The following PLEKHH1 variants were observed in gnomAD, a reference collection of about 807,000 sequenced individuals.
PLEKHH1 encodes pleckstrin homology, MyTH4 and FERM domain containing H1, also known as pleckstrin homology domain-containing family H member 1.
PLEKHH1 carries 104 observed loss-of-function variants against 160.0 expected under a neutral mutation model. The observed-to-expected ratio is 0.65, with a 90% CI of 0.55 to 0.76. The LOEUF (loss-of-function observed/expected upper bound fraction) is 0.76, where lower values mean the gene tolerates loss of function less well. PLEKHH1 is among the 30% of genes least tolerant of loss of function. The pLI is 0.00. For missense variants in PLEKHH1, 1,427 were observed against 1,724.1 expected (o/e 0.83, Z 3.05); for synonymous variants, 619 against 678.4 (o/e 0.91, Z 1.36).
At position 67,562,372 on chromosome 14, in the gene PLEKHH1, G is replaced by T. The variant is rs373836124; in HGVS notation, c.741G>T (p.Gly247=). 2.7e-5 allele frequency: 43 copies of T among 1,613,512 alleles called. No individual in the cohort carries two copies. The highest frequency in any genetic ancestry group is 1.6e-4 in the Middle Eastern group (1 of 6,082). Residue 247 remains glycine, a synonymous_variant, in exon 7 of 29, where the codon GGG becomes GGT. Transcript: ENST00000329153. Reference sequence around the variant, plus strand: ...CTAGTTCCAGCACGGTCCATTCTGGGGAAACAGTAGAGGCCAAGCCCCTTC... The same window carrying T: ...CTAGTTCCAGCACGGTCCATTCTGGTGAAACAGTAGAGGCCAAGCCCCTTC... ...EDSSSSTVHS[G]ETVEAKPLQP... is the part of the protein sequence containing the mutation.
intron 4 of PLEKHH1, 124 bp from the exon 5 acceptor site, chr14:67,559,484 T>G (rs180863966): frequency 1.6e-6 from 1 of 644,652 alleles, no homozygotes; most frequent in Non-Finnish European, 2.8e-6. Context: ...ACAAACGATT[T>G]CTGCTCACTG....
intron 28 of PLEKHH1, 176 bp from the exon 29 acceptor site, chr14:67,586,898 A>G (rs1310264456): frequency 5.9e-6 from 9 of 1,530,974 alleles, no homozygotes; most frequent in Non-Finnish European, 7.9e-6. Context: ...AGCCCACACC[A>G]CTGGGCCTCT....
At position 67,571,751 on chromosome 14, in the gene PLEKHH1, GA is replaced by G; in HGVS notation, c.1435del (p.Arg479GlufsTer42). On this transcript the variant is annotated frameshift_variant and splice_region_variant, in exon 10 of 29. Transcript: ENST00000329153. LOFTEE classifies it high-confidence loss of function. The stretch of plus-strand genomic sequence containing the variant: ...CAGTGAGGGAGGGGCCTGTCTTGCA[GA>G]GAGCTACACAGATCAGCAACATGCC... ...TVPVYTALKG[R>X]ATQISNMPFM... 1 of 1,612,294 alleles carries G rather than the reference GA, an allele frequency of 6.2e-7. No individual in the cohort carries two copies. Among genetic ancestry groups the G allele is most frequent in the Non-Finnish European group, 8.5e-7 (1 of 1,178,500 alleles).
intron 7 of PLEKHH1, among the ~76,000 whole-genome samples, chr14:67,563,731 CT>C (rs71129835): frequency 0.73 from 63,554 of 86,724 alleles, 23,022 homozygotes; most frequent in Non-Finnish European, 0.79. Flanking sequence ...CTGAGCCTGG[CT>C]TTTTTTTTTT....
chr14:67,565,094 G>A (rs2035027222), intron 7 of PLEKHH1, among the ~76,000 whole-genome samples: 1 of 152,146 alleles, frequency 6.6e-6, no homozygotes, highest in Non-Finnish European at 1.5e-5. Flanking sequence ...TGGGTATTAA[G>A]GGCTTCGCAC....
chr14:67,586,398 C>T (rs544420044), intron 28 of PLEKHH1: 3 of 1,351,482 alleles, frequency 2.2e-6, no homozygotes, highest in Admixed American at 4.4e-5. Flanking sequence ...CAGTTGGGTG[C>T]TTACGTGCTC....
intron 1 of PLEKHH1, among the ~76,000 whole-genome samples, chr14:67,537,381 A>AT (rs763238564): frequency 0.053 from 5,168 of 98,288 alleles, 189 homozygotes; most frequent in African/African-American, 0.07. Flanking sequence ...AATAATAATA[A>AT]AAACTTAATC....
At chr14:67,577,965 G>A in intron 18 of PLEKHH1, 58 bp from the exon 19 acceptor site, 1 of 1,522,202 alleles carries the variant, frequency 6.6e-7, no homozygotes, top group East Asian at 2.3e-5. Flanking sequence ...CCAAGCCGTT[G>A]AGTTCTCTGA....
rs1566760871 is a variant in PLEKHH1, at chr14:67,579,705, T to A, written c.3028-16T>A. On this transcript the variant is annotated splice_polypyrimidine_tract_variant and intron_variant, in intron 21 of 28. Coordinates refer to ENST00000329153, the MANE Select transcript of PLEKHH1 (RefSeq NM_020715.3). ...CAGGAGGTTCACTCAGGGTTGGAAC[T>A]CTTCTCCCGCCTCAGGTGGTTGGTT... 1 of 1,610,156 alleles carries A rather than the reference T, an allele frequency of 6.2e-7. No individual in the cohort carries two copies. Among genetic ancestry groups the A allele is most frequent in the Non-Finnish European group, 8.5e-7 (1 of 1,178,416 alleles).
rs45580633 is a variant in PLEKHH1, at chr14:67,569,857, C to G, written c.1343-64C>G. 3,098 of 1,047,172 alleles carry G rather than the reference C, an allele frequency of 3.0e-3. 3 individuals carry two copies. The highest frequency in any genetic ancestry group is 3.9e-3 in the Non-Finnish European group (2,701 of 683,954). 64.9% of individuals were successfully genotyped at this position (1,047,172 alleles called of 1,614,324 possible). ...GGAATGCCATCTGCCCAGTTCTCTG[C>G]TTCCCCCACACCCCTTCCTGGGTTA... On this transcript the variant is annotated intron_variant, in intron 8 of 28. Transcript: ENST00000329153.
At chr14:67,577,929 A>G in intron 18 of PLEKHH1, 94 bp from the exon 19 acceptor site, 1 of 1,156,474 alleles carries the variant, frequency 8.6e-7, no homozygotes, top group Non-Finnish European at 1.2e-6. Context: ...GTAAACTCTA[A>G]CCTCCCTGGA....
intron 1 of PLEKHH1, chr14:67,533,656 G>T (rs1474783023): frequency 6.6e-6 from 1 of 152,172 alleles, no homozygotes; most frequent in East Asian, 1.9e-4. Flanking sequence ...GGATCGGTCA[G>T]ATCCAGCCGC....
intron 11 of PLEKHH1, 117 bp downstream of exon 11, chr14:67,572,394 G>A: frequency 2.7e-6 from 2 of 742,472 alleles, no homozygotes; most frequent in South Asian, 3.7e-5. Flanking sequence ...TAGAGCTGGG[G>A]GATGGGGGCA....
intron 2 of PLEKHH1, among the ~76,000 whole-genome samples, chr14:67,551,394 A>C (rs2034384089): frequency 6.6e-6 from 1 of 152,202 alleles, no homozygotes; most frequent in African/African-American, 2.4e-5. Flanking sequence ...CAAGCCATGC[A>C]CATGTACTTT....
chr14:67,548,234 C>T (rs1342914176), intron 2 of PLEKHH1, among the ~76,000 whole-genome samples: 1 of 152,164 alleles, frequency 6.6e-6, no homozygotes, highest in Non-Finnish European at 1.5e-5. Flanking sequence ...CTTGCTAAAC[C>T]TGTTTCTCAG....
In PLEKHH1 at chr14:67,588,347, A is replaced by C. The variant is rs1252718825; in HGVS notation, c.*1112A>C. On this transcript the variant is annotated 3_prime_UTR_variant, in exon 29 of 29. Transcript: ENST00000329153. ...TTTTGCTGCTGTAAGACCACCAAAA[A>C]TGAGTCAGAAACACAGAAGACTATT... The C allele has an allele frequency of 6.6e-6, 1 of 152,544 alleles. No homozygotes were observed. Among genetic ancestry groups the C allele is most frequent in the African/African-American group, 2.4e-5 (1 of 41,456 alleles). 9.4% of individuals were successfully genotyped at this position (152,544 alleles called of 1,614,324 possible).
At chr14:67,543,161 A>C (rs1045399027) in intron 2 of PLEKHH1, among the ~76,000 whole-genome samples, 2 of 152,198 alleles carry the variant, frequency 1.3e-5, no homozygotes, top group Admixed American at 1.3e-4. Context: ...CCCTTCTTTC[A>C]TAAGTACAAA....
intron 8 of PLEKHH1, among the ~76,000 whole-genome samples, chr14:67,569,534 C>T (rs2035272187): frequency 6.6e-6 from 1 of 152,248 alleles, no homozygotes; most frequent in Non-Finnish European, 1.5e-5. Context: ...GGAGGAGCCA[C>T]AAGTGTCCTG....
chr14:67,547,886 C>A (rs539743230), intron 2 of PLEKHH1, among the ~76,000 whole-genome samples: 10 of 152,116 alleles, frequency 6.6e-5, no homozygotes, highest in African/African-American at 2.4e-4. Flanking sequence ...GAGAGAGAGC[C>A]GGATGAAGGG....
Sources: allele counts gnomAD v4.1 joint callset (sites outside exome capture counted in the v4.1 genomes callset), GRCh38; gene constraint gnomAD v4.1.1; transcripts MANE v1.5; gene names NCBI Gene and HGNC (gene_info 2026-07-23, HGNC 2026-07-21).